Variants in SLC4A4 observed in about 807,000 individuals in gnomAD.
SLC4A4 encodes the protein solute carrier family 4 member 4.
SLC4A4 carries 27 observed loss-of-function variants against 111.5 expected under a neutral mutation model. That is an observed-to-expected ratio of 0.24 (90% CI 0.18 to 0.33). The LOEUF (loss-of-function observed/expected upper bound fraction) is 0.33. Among genes scored for constraint, SLC4A4 ranks in the 10% least tolerant of loss-of-function variants. The probability of loss-of-function intolerance (pLI) is 1.00; values close to 1 mark genes in which losing one functional copy is unlikely to be tolerated. For synonymous variants in SLC4A4, 443 were observed against 463.4 expected (o/e 0.96, Z 0.57); for missense variants, 909 against 1,315.5 (o/e 0.69, Z 4.78).
At chr4:71,562,428 A>C (rs866849310) in intron 23 of SLC4A4, among the ~76,000 whole-genome samples, 3 of 151,736 alleles carry the variant, frequency 2.0e-5, no homozygotes, top group Admixed American at 2.0e-4. Flanking sequence ...GGTTACAGCT[A>C]TAATATAATA....
chr4:71,205,142 T>G (rs892286751), intron 1 of SLC4A4, among the ~76,000 whole-genome samples: 2 of 152,154 alleles, frequency 1.3e-5, no homozygotes, highest in African/African-American at 4.8e-5. Context: ...GAATATCTAC[T>G]GATTAGCTCT....
At chr4:71,450,601 GTGTT>G in intron 10 of SLC4A4, 58 bp downstream of exon 10, 1 of 1,504,696 alleles carries the variant, frequency 6.6e-7, no homozygotes, top group Admixed American at 1.9e-5. Flanking sequence ...GAAGGAGGTT[GTGTT>G]AAAAAAAAAA....
rs56283596 is a variant in SLC4A4, at chr4:71,439,435, CAAAAAAAAAAAAAAAAAAAAAA to C, written c.808-1166_808-1145del. On this transcript the variant is annotated intron_variant, in intron 7 of 25. Transcript: ENST00000264485. ...TGGGCAACAGAGCAAGACTCTGTCT[CAAAAAAAAAAAAAAAAAAAAAA>C]AAAAAAAAAAAAAAGAAAAGAAAAT... Among the ~76,000 whole-genome samples the C allele has an allele frequency of 1.9e-3, 66 of 34,182 alleles. 2 individuals carry two copies. In the East Asian group the frequency reaches 0.056, roughly 29 times the overall value. The allele number at this position is 34,182 out of a possible 152,430, so 22.4% of individuals were successfully genotyped here. A position where few individuals can be genotyped will look rare whatever the true frequency, so the allele number is the denominator to read the frequency against.
chr4:71,190,275 T>C (rs757273301), intron 1 of SLC4A4, among the ~76,000 whole-genome samples: 1 of 152,274 alleles, frequency 6.6e-6, no homozygotes, highest in South Asian at 2.1e-4. Flanking sequence ...AATATGCTGC[T>C]GTTCTTCTGA....
At chr4:71,397,990 T>C (rs1260064614) in intron 7 of SLC4A4, among the ~76,000 whole-genome samples, 2 of 152,074 alleles carry the variant, frequency 1.3e-5, no homozygotes, top group Non-Finnish European at 2.9e-5. Context: ...TTTGGTAAAT[T>C]ATAAAGAAAT....
intron 1 of SLC4A4, among the ~76,000 whole-genome samples, chr4:71,205,502 G>A (rs1297648063): frequency 6.6e-6 from 1 of 152,120 alleles, no homozygotes; most frequent in Non-Finnish European, 1.5e-5. Flanking sequence ...GAGACCCACA[G>A]CTGGGCTTCA....
chr4:71,357,951 A>G (rs530607289), intron 6 of SLC4A4, among the ~76,000 whole-genome samples: 1 of 152,282 alleles, frequency 6.6e-6, no homozygotes, highest in South Asian at 2.1e-4. Context: ...GGTATGAAGG[A>G]AAGAACTACT....
At chr4:71,291,964 A>G (rs1724388506) in intron 3 of SLC4A4, among the ~76,000 whole-genome samples, 1 of 152,222 alleles carries the variant, frequency 6.6e-6, no homozygotes, top group Admixed American at 6.5e-5. Flanking sequence ...CAGGCATACA[A>G]TGCATAATAA....
chr4:71,368,705 A>G (rs561092621), intron 6 of SLC4A4, among the ~76,000 whole-genome samples: 1 of 152,270 alleles, frequency 6.6e-6, no homozygotes, highest in East Asian at 1.9e-4. Context: ...ACATCCTGAG[A>G]TTAGTGTTTA....
chr4:71,231,975 A>G (rs1184006660), intron 1 of SLC4A4, among the ~76,000 whole-genome samples: 1 of 152,216 alleles, frequency 6.6e-6, no homozygotes, highest in Non-Finnish European at 1.5e-5. Context: ...TGGTGTAAAG[A>G]TGAAGAAAAG....
At chr4:71,482,006 T>A (rs1728928336) in intron 14 of SLC4A4, among the ~76,000 whole-genome samples, 1 of 151,624 alleles carries the variant, frequency 6.6e-6, no homozygotes, top group Admixed American at 6.6e-5. Context: ...GCTTTTCCAT[T>A]TGACTTTTCC....
At chr4:71,227,010 A>T (rs911209311) in intron 1 of SLC4A4, among the ~76,000 whole-genome samples, 2 of 152,162 alleles carry the variant, frequency 1.3e-5, no homozygotes, top group African/African-American at 4.8e-5. Flanking sequence ...GAGCCATGAC[A>T]TGCCCAAGTA....
intron 7 of SLC4A4, among the ~76,000 whole-genome samples, chr4:71,418,392 G>C (rs1278984121): frequency 1.3e-5 from 2 of 152,156 alleles, no homozygotes; most frequent in Non-Finnish European, 2.9e-5. Context: ...CATGTCACCA[G>C]AGCCTTTTGG....
At chr4:71,289,023 C>T (rs559460483) in intron 3 of SLC4A4, among the ~76,000 whole-genome samples, 35 of 152,276 alleles carry the variant, frequency 2.3e-4, no homozygotes, top group African/African-American at 8.4e-4. Context: ...GGGACTTAAG[C>T]TGAGGCCTGG....
At chr4:71,242,266 T>C (rs1200817558) in intron 2 of SLC4A4, among the ~76,000 whole-genome samples, 1 of 152,236 alleles carries the variant, frequency 6.6e-6, no homozygotes, top group Admixed American at 6.5e-5. Flanking sequence ...AGTACACTTA[T>C]AGCAGTTTTG....
At chr4:71,284,525 G>T (rs1723758020) in intron 3 of SLC4A4, among the ~76,000 whole-genome samples, 1 of 152,204 alleles carries the variant, frequency 6.6e-6, no homozygotes, top group South Asian at 2.1e-4. Flanking sequence ...AACATCCCTT[G>T]AAAATTAGAA....
chr4:71,143,826 A>C lies in SLC4A4; in HGVS notation c.-2+51034A>C, dbSNP rs1744081854. On this transcript the variant is annotated intron_variant, in intron 2 of 26. Coordinates refer to the SLC4A4 transcript ENST00000649996. ...TTTTCTTGTAAATTTGTTTGAGTTC[A>C]TTGTAGATTCTGGATATTAGCCCTT... 5.3e-5 allele frequency among the ~76,000 whole-genome samples: 8 copies of C among 152,090 alleles called. No individual in the cohort carries two copies. In the South Asian group the frequency reaches 1.7e-3, roughly 32 times the overall value.
At chr4:71,420,149 A>T (rs995086744) in intron 7 of SLC4A4, among the ~76,000 whole-genome samples, 1 of 152,262 alleles carries the variant, frequency 6.6e-6, no homozygotes, top group Non-Finnish European at 1.5e-5. Context: ...AAAGGAGCTG[A>T]TGGAGCTGAA....
At chr4:71,233,621 T>A (rs1402382494) in intron 1 of SLC4A4, among the ~76,000 whole-genome samples, 1 of 152,162 alleles carries the variant, frequency 6.6e-6, no homozygotes, top group Non-Finnish European at 1.5e-5. Flanking sequence ...AATTTTTATC[T>A]CTAATCCTGA....
Sources: allele counts gnomAD v4.1 joint callset (sites outside exome capture counted in the v4.1 genomes callset), GRCh38; gene constraint gnomAD v4.1.1; transcripts MANE v1.5; gene names NCBI Gene and HGNC (gene_info 2026-07-23, HGNC 2026-07-21).